INSYN2A: variants seen among roughly 807,000 people sequenced by gnomAD.
INSYN2A encodes family with sequence similarity 196 member A.
A neutral mutation model predicts 39.4 loss-of-function variants in INSYN2A; 17 were observed. That is an observed-to-expected ratio of 0.43 (90% CI 0.30 to 0.65). The LOEUF (loss-of-function observed/expected upper bound fraction) is 0.65. INSYN2A is among the 30% of genes least tolerant of loss of function. The pLI is 0.14. For missense variants in INSYN2A, 595 were observed against 631.2 expected (o/e 0.94, Z 0.61); for synonymous variants, 255 against 265.7 (o/e 0.96, Z 0.39).
In INSYN2A at chr10:127,136,756, G is replaced by C. The variant is rs577169256; in HGVS notation, c.*1081C>G. 2 of 152,762 alleles carry C rather than the reference G, an allele frequency of 1.3e-5. 1 individual carries two copies. The highest frequency in any genetic ancestry group is 4.8e-5 in the African/African-American group (2 of 41,568). The allele number at this position is 152,762 out of a possible 1,614,324, so 9.5% of individuals were successfully genotyped here. A position where few individuals can be genotyped will look rare whatever the true frequency, so the allele number is the denominator to read the frequency against. On this transcript the variant is annotated 3_prime_UTR_variant, in exon 6 of 6. Coordinates refer to ENST00000522781, the MANE Select transcript of INSYN2A (RefSeq NM_001039762.3). ...TGTTGTTTAGTACAACTTACTAATA[G>C]GTTAAATGTAGGCGACATTGTCCCT...
rs58618275 is a variant in INSYN2A, at chr10:127,171,433, C to A, written c.1184+3779G>T. 7.4e-3 allele frequency among the ~76,000 whole-genome samples: 1,132 copies of A among 152,308 alleles called. 11 individuals are homozygous for A. Among genetic ancestry groups the A allele is most frequent in the African/African-American group, 0.026 (1,061 of 41,568 alleles). On this transcript the variant is annotated intron_variant, in intron 4 of 5. Transcript: ENST00000522781. ...CAAAGAATACTGGCTTCCCAAGGAG[C>A]AGGCCCATGACCCCTTTGGGCCAGG...
intron 2 of INSYN2A, among the ~76,000 whole-genome samples, chr10:127,191,797 CTT>C (rs915766163): frequency 6.6e-6 from 1 of 152,180 alleles, no homozygotes; most frequent in African/African-American, 2.4e-5. Context: ...GCTTTTTCCT[CTT>C]TCTCTCTGGG....
chr10:127,185,184 T>C (rs1371413577), intron 2 of INSYN2A, among the ~76,000 whole-genome samples: 1 of 152,192 alleles, frequency 6.6e-6, no homozygotes, highest in East Asian at 1.9e-4. Context: ...AGTAGGTCCC[T>C]CTAAGTCTTC....
chr10:127,139,679 A>G (rs187303896), intron 5 of INSYN2A, among the ~76,000 whole-genome samples: 4 of 152,242 alleles, frequency 2.6e-5, no homozygotes, highest in Non-Finnish European at 5.9e-5. Context: ...TGGGGTTTCC[A>G]CCCTGCCTCT....
At chr10:127,146,084 C>A (rs1454687514) in intron 5 of INSYN2A, 1 of 512,788 alleles carries the variant, frequency 2.0e-6, no homozygotes, top group Non-Finnish European at 3.9e-6. Context: ...TATTTACCCC[C>A]AGAAAAATCT....
chr10:127,158,895 T>G (rs2053334261), intron 4 of INSYN2A, among the ~76,000 whole-genome samples: 1 of 152,098 alleles, frequency 6.6e-6, no homozygotes, highest in African/African-American at 2.4e-5. Context: ...GCTCTCTTTT[T>G]TTGGTGCTTT....
chr10:127,173,759 G>A (rs899965207), intron 4 of INSYN2A, among the ~76,000 whole-genome samples: 1 of 152,188 alleles, frequency 6.6e-6, no homozygotes, highest in Admixed American at 6.5e-5. Flanking sequence ...CGCCTGATGA[G>A]TGTTGCTTTT....
intron 1 of INSYN2A, among the ~76,000 whole-genome samples, chr10:127,194,655 C>A (rs1471304546): frequency 6.6e-6 from 1 of 152,164 alleles, no homozygotes; most frequent in Non-Finnish European, 1.5e-5. Context: ...CCAGCGCAGT[C>A]ACTCTGACAG....
intron 2 of INSYN2A, among the ~76,000 whole-genome samples, chr10:127,187,061 A>G (rs75601448): frequency 0.051 from 7,693 of 152,262 alleles, 513 homozygotes; most frequent in African/African-American, 0.15. Context: ...GAACGTGACA[A>G]TTCACCCCGG....
intron 2 of INSYN2A, among the ~76,000 whole-genome samples, chr10:127,181,075 A>G (rs768992925): frequency 5.3e-5 from 8 of 152,180 alleles, no homozygotes; most frequent in Non-Finnish European, 1.2e-4. Flanking sequence ...CCCAGAAATG[A>G]TGAGATGGGG....
At chr10:127,153,471 G>A (rs1290091895) in intron 5 of INSYN2A, among the ~76,000 whole-genome samples, 1 of 152,162 alleles carries the variant, frequency 6.6e-6, no homozygotes, top group Non-Finnish European at 1.5e-5. Flanking sequence ...GTCTTTCCAT[G>A]GTATTCCTAG....
chr10:127,161,586 C>G (rs1243583882), intron 4 of INSYN2A, among the ~76,000 whole-genome samples: 1 of 152,248 alleles, frequency 6.6e-6, no homozygotes, highest in Non-Finnish European at 1.5e-5. Context: ...TGCCTCTGTT[C>G]TCCCCTGCTT....
chr10:127,187,888 T>C (rs2056427828), intron 2 of INSYN2A, among the ~76,000 whole-genome samples: 1 of 152,172 alleles, frequency 6.6e-6, no homozygotes, highest in South Asian at 2.1e-4. Context: ...TTGTTTTAAA[T>C]GCCTAATATA....
chr10:127,159,313 A>C (rs2053380805), intron 4 of INSYN2A, among the ~76,000 whole-genome samples: 2 of 152,032 alleles, frequency 1.3e-5, no homozygotes, highest in Non-Finnish European at 1.5e-5. Context: ...AGTCAGGGCT[A>C]CCTCTCTGTA....
At chr10:127,146,008 T>A (rs1241800613) in intron 5 of INSYN2A, 1 of 517,670 alleles carries the variant, frequency 1.9e-6, no homozygotes. Flanking sequence ...AATTCCCTAG[T>A]CACTCTATTC....
chr10:127,164,465 G>A (rs1244992747), intron 4 of INSYN2A, among the ~76,000 whole-genome samples: 1 of 152,128 alleles, frequency 6.6e-6, no homozygotes, highest in East Asian at 1.9e-4. Context: ...TTACAGGCGT[G>A]AGCCACTGCT....
chr10:127,188,606 T>A (rs2056486410), intron 2 of INSYN2A, among the ~76,000 whole-genome samples: 1 of 152,138 alleles, frequency 6.6e-6, no homozygotes, highest in Admixed American at 6.5e-5. Flanking sequence ...GCTAACGTGG[T>A]TAATTTCTGG....
rs10829473 is a variant in INSYN2A at position 127,139,678 on chromosome 10, C to T, written c.1257-1658G>A. Among the ~76,000 whole-genome samples, 997 of 152,260 alleles carry T rather than the reference C, an allele frequency of 6.5e-3. 4 individuals are homozygous for T. Among genetic ancestry groups the T allele is most frequent in the Admixed American group, 0.012 (176 of 15,292 alleles). ...GTGCACTAGAAGGACATGGGGTTTC[C>T]ACCCTGCCTCTTCCACCTGATGCTG... On this transcript the variant is annotated intron_variant, in intron 5 of 5. Coordinates refer to ENST00000522781, the MANE Select transcript of INSYN2A (RefSeq NM_001039762.3).
At chr10:127,186,995 C>T (rs1355742244) in intron 2 of INSYN2A, among the ~76,000 whole-genome samples, 8 of 152,160 alleles carry the variant, frequency 5.3e-5, no homozygotes, top group South Asian at 2.1e-4. Context: ...TGACTCCCAG[C>T]GTTTTGGTTG....
Sources: gnomAD v4.1 joint callset for allele counts (sites outside exome capture counted in the v4.1 genomes callset) on GRCh38, gnomAD v4.1.1 for gene constraint, MANE v1.5 for transcripts, NCBI Gene and HGNC (gene_info 2026-07-23, HGNC 2026-07-21) for gene names.